ENAH: variants seen among roughly 807,000 people sequenced by gnomAD.
ENAH encodes the protein protein enabled homolog.
Under a neutral mutation model 78.7 loss-of-function variants are expected in ENAH, and 23 were observed. That is an observed-to-expected ratio of 0.29 (90% CI 0.21 to 0.41). The LOEUF (loss-of-function observed/expected upper bound fraction) is 0.41. Ranked by LOEUF, ENAH falls within the 10% of genes least tolerant of loss-of-function variation. The pLI is 1.00. For synonymous variants in ENAH, 226 were observed against 241.0 expected, an observed-to-expected ratio of 0.94 and a Z score of 0.58; for missense variants, 544 against 691.0, an observed-to-expected ratio of 0.79 and a Z score of 2.39.
At chr1:225,583,298 T>C (rs762179157) in intron 1 of ENAH, among the ~76,000 whole-genome samples, 1 of 151,744 alleles carries the variant, frequency 6.6e-6, no homozygotes, top group African/African-American at 2.4e-5. Flanking sequence ...TAGCCAGGCA[T>C]GATGGCGGGT....
Position 225,552,491 on chromosome 1 carries a change from G to C in ENAH, c.349+2415C>G, listed in dbSNP as rs16845036. Among the ~76,000 whole-genome samples, 1,321 of 152,070 alleles carry C rather than the reference G, an allele frequency of 8.7e-3. 9 individuals carry two copies. Among genetic ancestry groups the C allele is most frequent in the Non-Finnish European group, 0.016 (1,061 of 67,994 alleles). On this transcript the variant is annotated intron_variant, in intron 3 of 13. Coordinates refer to ENST00000366843, the MANE Select transcript of ENAH (RefSeq NM_018212.6). ...TGCTTCTACTTCCACACTAATTAAG[G>C]CCATCAAAAATAAGAAATAGTATTT...
At chr1:225,636,671 C>T (rs529516537) in intron 1 of ENAH, among the ~76,000 whole-genome samples, 52 of 152,266 alleles carry the variant, frequency 3.4e-4, no homozygotes, top group African/African-American at 1.3e-3. Context: ...CAGCAAGACA[C>T]TCATCTCTAC....
intron 1 of ENAH, among the ~76,000 whole-genome samples, chr1:225,649,744 A>G (rs1322446001): frequency 6.6e-6 from 1 of 152,204 alleles, no homozygotes; most frequent in African/African-American, 2.4e-5. Context: ...AACATAAACT[A>G]TTATTCAGTT....
Position 225,576,292 on chromosome 1 carries a change from A to C in ENAH, c.6-8878T>G, listed in dbSNP as rs903269041. Among the ~76,000 whole-genome samples the C allele has an allele frequency of 3.9e-4, 59 of 150,110 alleles. No individual in the cohort carries two copies. In the Middle Eastern group the frequency reaches 0.01, roughly 26 times the overall value. On this transcript the variant is annotated intron_variant, in intron 1 of 13. Coordinates refer to ENST00000366843, the MANE Select transcript of ENAH (RefSeq NM_018212.6). ...CTCTGTCTCAAAAAAAAAAAAAAAAACCCAAAAAACAAAAAGAATCAGCTG... is the reference window on the plus strand; with the variant it reads ...CTCTGTCTCAAAAAAAAAAAAAAAACCCCAAAAAACAAAAAGAATCAGCTG...
intron 1 of ENAH, among the ~76,000 whole-genome samples, chr1:225,632,492 C>A (rs926932036): frequency 7.5e-6 from 1 of 132,924 alleles, no homozygotes. Flanking sequence ...AGCGAGACTC[C>A]GTCTCAAAAA....
intron 1 of ENAH, among the ~76,000 whole-genome samples, chr1:225,571,441 C>T (rs1419397791): frequency 6.6e-6 from 1 of 152,042 alleles, no homozygotes; most frequent in Non-Finnish European, 1.5e-5. Context: ...TCCCTAACCT[C>T]CTCCACCCCT....
chr1:225,560,911 A>T (rs544985807), intron 2 of ENAH, among the ~76,000 whole-genome samples: 4 of 152,250 alleles, frequency 2.6e-5, no homozygotes, highest in African/African-American at 9.6e-5. Context: ...AAAATTACAT[A>T]AACTACTGTT....
chr1:225,535,833 A>C (rs2096559053), intron 3 of ENAH, among the ~76,000 whole-genome samples: 1 of 151,560 alleles, frequency 6.6e-6, no homozygotes, highest in African/African-American at 2.4e-5. Flanking sequence ...TTATTTCCTA[A>C]GTTATACGGT....
intron 1 of ENAH, among the ~76,000 whole-genome samples, chr1:225,594,241 A>G (rs1414279461): frequency 1.3e-5 from 2 of 152,232 alleles, no homozygotes; most frequent in Non-Finnish European, 2.9e-5. Context: ...GAGTAAGGAC[A>G]TCTTCAAACA....
chr1:225,569,790 GAAGAA>G (rs1028260078), intron 1 of ENAH, among the ~76,000 whole-genome samples: 11 of 152,076 alleles, frequency 7.2e-5, no homozygotes, highest in Admixed American at 2.0e-4. Context: ...AGAATAAAGA[GAAGAA>G]AAAATAAGCT....
intron 2 of ENAH, among the ~76,000 whole-genome samples, chr1:225,559,446 T>TA (rs1353372350): frequency 6.6e-6 from 1 of 152,192 alleles, no homozygotes; most frequent in Non-Finnish European, 1.5e-5. Context: ...TATACATTCT[T>TA]ACAGACCTTT....
rs115469642 is a variant in ENAH at position 225,512,444 on chromosome 1, A to G, written c.1422+213T>C. On this transcript the variant is annotated intron_variant, in intron 9 of 13. Coordinates refer to ENST00000366843, the MANE Select transcript of ENAH (RefSeq NM_018212.6). ...GTTTGAACTTCAATGCTTTTCCCAT[A>G]ATTTCACATATTCAACTCACTTTAC... 4.1e-3 allele frequency among the ~76,000 whole-genome samples: 632 copies of G among 152,346 alleles called. 7 individuals carry two copies. Among genetic ancestry groups the G allele is most frequent in the African/African-American group, 0.014 (599 of 41,578 alleles).
intron 1 of ENAH, among the ~76,000 whole-genome samples, chr1:225,593,089 T>C (rs181915492): frequency 7.5e-4 from 114 of 152,164 alleles, no homozygotes; most frequent in African/African-American, 2.7e-3. Flanking sequence ...AACTACCATA[T>C]AGCTATAACT....
intron 2 of ENAH, 27 bp downstream of exon 2, chr1:225,567,222 T>C: frequency 6.2e-7 from 1 of 1,601,846 alleles, no homozygotes; most frequent in Non-Finnish European, 8.5e-7. Flanking sequence ...TAAATCATTT[T>C]TAACAACAAT....
chr1:225,569,982 G>T (rs939737639), intron 1 of ENAH, among the ~76,000 whole-genome samples: 1 of 151,986 alleles, frequency 6.6e-6, no homozygotes, highest in African/African-American at 2.4e-5. Context: ...AAGGCAGGTG[G>T]ATCACCTGAG....
At chr1:225,651,714 G>A (rs1373857458) in intron 1 of ENAH, among the ~76,000 whole-genome samples, 1 of 152,092 alleles carries the variant, frequency 6.6e-6, no homozygotes, top group Non-Finnish European at 1.5e-5. Flanking sequence ...AGTCTACCAA[G>A]TCCCATTTCA....
intron 1 of ENAH, among the ~76,000 whole-genome samples, chr1:225,583,567 T>C (rs1257375627): frequency 6.6e-6 from 1 of 151,806 alleles, no homozygotes; most frequent in Admixed American, 6.6e-5. Flanking sequence ...TCCCAGCATT[T>C]TGGGAAGCAG....
rs138519604 is a variant in ENAH at position 225,640,135 on chromosome 1, C to T, written c.5+12551G>A. 4.8e-3 allele frequency among the ~76,000 whole-genome samples: 735 copies of T among 152,218 alleles called. 3 individuals are homozygous for T. Among genetic ancestry groups the T allele is most frequent in the Middle Eastern group, 0.014 (4 of 294 alleles). On this transcript the variant is annotated intron_variant, in intron 1 of 13. Coordinates refer to ENST00000366843, the MANE Select transcript of ENAH (RefSeq NM_018212.6). ...TGAATATTTTGGCAAAAAGGACTGT[C>T]TTTATGATCATACTGCAAAAGTCCA...
intron 2 of ENAH, among the ~76,000 whole-genome samples, chr1:225,566,259 G>GT (rs1160502487): frequency 6.7e-6 from 1 of 149,924 alleles, no homozygotes; most frequent in African/African-American, 2.4e-5. Flanking sequence ...TTTTTTGTGT[G>GT]TTTTTTTGTT....
Sources: allele counts gnomAD v4.1 joint callset (sites outside exome capture counted in the v4.1 genomes callset), GRCh38; gene constraint gnomAD v4.1.1; transcripts MANE v1.5; gene names NCBI Gene and HGNC (gene_info 2026-07-23, HGNC 2026-07-21).